The following RELN variants were observed in gnomAD, a reference collection of about 807,000 sequenced individuals.
The protein encoded by RELN is reelin.
Under a neutral mutation model 427.6 loss-of-function variants are expected in RELN, and 108 were observed. The observed-to-expected ratio is 0.25, with a 90% CI of 0.22 to 0.30. The LOEUF is 0.30. Among genes scored for constraint, RELN ranks in the 10% least tolerant of loss-of-function variants. RELN has a pLI of 1.00. For synonymous variants in RELN, 1,524 were observed against 1,513.4 expected, an observed-to-expected ratio of 1.01 and a Z score of -0.16; for missense variants, 3,715 against 4,302.8, an observed-to-expected ratio of 0.86 and a Z score of 3.82.
At chr7:103,913,625 T>C (rs1185988027) in intron 2 of RELN, among the ~76,000 whole-genome samples, 1 of 152,138 alleles carries the variant, frequency 6.6e-6, no homozygotes, top group Non-Finnish European at 1.5e-5. Flanking sequence ...TCAAATTAAA[T>C]GTTTAATTTT....
At chr7:103,669,584 C>G (rs992989379) in intron 11 of RELN, among the ~76,000 whole-genome samples, 1 of 152,002 alleles carries the variant, frequency 6.6e-6, no homozygotes, top group African/African-American at 2.4e-5. Flanking sequence ...TCCTGACTCT[C>G]TCCAAATATA....
chr7:103,540,276 G>C lies in RELN; in HGVS notation c.6851C>G (p.Ala2284Gly), dbSNP rs1830149223. The change falls in exon 44 of 65, where the codon GCC (alanine) becomes GGC (glycine). Residue 2284 changes from alanine to glycine, a missense_variant. Around this residue, in one of 4 missense-constraint regions of RELN, gnomAD observed 1,310 missense variants for 1,643.0 expected, o/e 0.80. Coordinates refer to ENST00000428762, the MANE Select transcript of RELN (RefSeq NM_005045.4). ...GCGAAGGCGAGTAGAACCAGAACGG[G>C]CTTTCAAGGGTATCTCCAGGGCAAT... ...RYIALEIPLK[A>G]RSGSTRLRWW... 6.2e-7 allele frequency: 1 copy of C among 1,614,058 alleles called. No homozygotes were observed. Among genetic ancestry groups the C allele is most frequent in the Non-Finnish European group, 8.5e-7 (1 of 1,180,038 alleles).
chr7:103,724,932 T>G (rs1417089606), intron 7 of RELN, among the ~76,000 whole-genome samples: 1 of 151,924 alleles, frequency 6.6e-6, no homozygotes, highest in Non-Finnish European at 1.5e-5. Context: ...TAATATAAAT[T>G]ATTAATCTTG....
At chr7:103,708,312 C>T (rs1365625563) in intron 8 of RELN, among the ~76,000 whole-genome samples, 1 of 152,008 alleles carries the variant, frequency 6.6e-6, no homozygotes, top group Non-Finnish European at 1.5e-5. Flanking sequence ...GTGATTCAGA[C>T]TCATTTCTTT....
chr7:103,701,597 G>A (rs1396700244), intron 8 of RELN, among the ~76,000 whole-genome samples: 1 of 151,986 alleles, frequency 6.6e-6, no homozygotes, highest in Non-Finnish European at 1.5e-5. Flanking sequence ...AATATTTGGT[G>A]ATTATTTATC....
At chr7:103,928,475 G>A (rs1200951684) in intron 1 of RELN, among the ~76,000 whole-genome samples, 1 of 152,144 alleles carries the variant, frequency 6.6e-6, no homozygotes, top group African/African-American at 2.4e-5. Context: ...CCATCTAGGT[G>A]GATTCTGTGT....
intron 16 of RELN, among the ~76,000 whole-genome samples, chr7:103,645,012 T>C (rs1687454715): frequency 6.6e-6 from 1 of 151,776 alleles, no homozygotes; most frequent in Admixed American, 6.6e-5. Context: ...ACCAGGAATT[T>C]TGTATTCTAT....
intron 43 of RELN, among the ~76,000 whole-genome samples, chr7:103,540,734 A>G (rs1830159756): frequency 6.6e-6 from 1 of 151,996 alleles, no homozygotes; most frequent in African/African-American, 2.4e-5. Flanking sequence ...TGTTCCCCAC[A>G]CCCTTTGGCT....
chr7:103,713,869 A>G (rs943526715), intron 8 of RELN, among the ~76,000 whole-genome samples: 3 of 152,212 alleles, frequency 2.0e-5, no homozygotes, highest in Non-Finnish European at 4.4e-5. Context: ...ACAGCACTGT[A>G]GAAAAATGAT....
chr7:103,728,790 T>C (rs1338026138), intron 6 of RELN, among the ~76,000 whole-genome samples: 2 of 152,188 alleles, frequency 1.3e-5, no homozygotes, highest in Non-Finnish European at 2.9e-5. Context: ...TCTGCATGTA[T>C]ACGTTCCACC....
chr7:103,936,727 G>GACAGACAGACAGACACACACACACACAC (rs1795994130), intron 1 of RELN, among the ~76,000 whole-genome samples: 3 of 27,852 alleles, frequency 1.1e-4, no homozygotes, highest in African/African-American at 2.7e-4. Flanking sequence ...CACACACACA[G>GACAGACAGACAGACACACACACACACAC]ACAGACAGAC....
At chr7:103,546,700 T>C (rs771972434) in intron 41 of RELN, among the ~76,000 whole-genome samples, 31 of 152,332 alleles carry the variant, frequency 2.0e-4, no homozygotes, top group Non-Finnish European at 3.5e-4. Flanking sequence ...CTCTTTCTTT[T>C]TTTGTACCTT....
chr7:103,872,872 G>A (rs953922183), intron 2 of RELN, among the ~76,000 whole-genome samples: 1 of 151,090 alleles, frequency 6.6e-6, no homozygotes, highest in Non-Finnish European at 1.5e-5. Flanking sequence ...CTTTTGAGAA[G>A]TGTCTGTTCA....
intron 2 of RELN, among the ~76,000 whole-genome samples, chr7:103,899,868 T>C (rs1795044397): frequency 6.6e-6 from 1 of 152,156 alleles, no homozygotes; most frequent in African/African-American, 2.4e-5. Context: ...GCTGGAAGCA[T>C]TTCCTTTGAA....
intron 24 of RELN, among the ~76,000 whole-genome samples, chr7:103,597,782 T>C (rs1831572109): frequency 6.6e-6 from 1 of 152,160 alleles, no homozygotes; most frequent in African/African-American, 2.4e-5. Flanking sequence ...TTCCTTTGCT[T>C]AGTGAGTCCC....
chr7:103,895,959 A>G (rs529409815), intron 2 of RELN, among the ~76,000 whole-genome samples: 1 of 152,280 alleles, frequency 6.6e-6, no homozygotes, highest in African/African-American at 2.4e-5. Flanking sequence ...GAGGACTGAT[A>G]CACAGGATAT....
intron 3 of RELN, among the ~76,000 whole-genome samples, chr7:103,779,487 G>A (rs376932207): frequency 6.6e-6 from 1 of 152,122 alleles, no homozygotes; most frequent in Admixed American, 6.5e-5. Flanking sequence ...AGTTAATCCT[G>A]TTAACAGCCC....
chr7:103,816,204 C>A lies in RELN; in HGVS notation c.473+17333G>T, dbSNP rs138782993. 8.0e-3 allele frequency among the ~76,000 whole-genome samples: 1,222 copies of A among 152,154 alleles called. 37 individuals carry two copies. The highest frequency in any genetic ancestry group is 0.05 in the East Asian group (256 of 5,150). Reference sequence around the variant, plus strand: ...GGCCAGCCTGGCCAACATGGTGAAACCCCAGCTCTAGTAAACATACAAAAA... The same window carrying A: ...GGCCAGCCTGGCCAACATGGTGAAAACCCAGCTCTAGTAAACATACAAAAA... On this transcript the variant is annotated intron_variant, in intron 3 of 64. Coordinates refer to ENST00000428762, the MANE Select transcript of RELN (RefSeq NM_005045.4).
At chr7:103,793,522 T>C (rs1282722476) in intron 3 of RELN, among the ~76,000 whole-genome samples, 1 of 152,210 alleles carries the variant, frequency 6.6e-6, no homozygotes, top group Non-Finnish European at 1.5e-5. Context: ...ATTCCAGCAT[T>C]GCCATGTTGC....
Sources: allele counts gnomAD v4.1 joint callset (sites outside exome capture counted in the v4.1 genomes callset), GRCh38; gene constraint gnomAD v4.1.1; regional missense constraint gnomAD v4.1.1; transcripts MANE v1.5; gene names NCBI Gene and HGNC (gene_info 2026-07-23, HGNC 2026-07-21).